GMDS: variants seen among roughly 807,000 people sequenced by gnomAD.
The protein encoded by GMDS is GDP-mannose 4,6-dehydratase, also known as GDP-mannose 4,6 dehydratase.
A neutral mutation model predicts 49.9 loss-of-function variants in GMDS; 20 were observed. That is an observed-to-expected ratio of 0.40 (90% CI 0.28 to 0.58). The LOEUF is 0.58. Among genes scored for constraint, GMDS ranks in the 20% least tolerant of loss-of-function variants. The pLI, the probability that GMDS is intolerant of heterozygous loss-of-function variation, is 0.42. For missense variants in GMDS, 362 were observed against 481.4 expected, an observed-to-expected ratio of 0.75 and a Z score of 2.32; for synonymous variants, 177 against 178.6, an observed-to-expected ratio of 0.99 and a Z score of 0.07.
chr6:1,881,103 C>G (rs1008329684), intron 7 of GMDS, among the ~76,000 whole-genome samples: 1 of 152,102 alleles, frequency 6.6e-6, no homozygotes, highest in Non-Finnish European at 1.5e-5. Flanking sequence ...ATTTTTCTAT[C>G]ATCAGTAAAA....
intron 6 of GMDS, among the ~76,000 whole-genome samples, chr6:1,935,372 T>C (rs1378497765): frequency 6.6e-6 from 1 of 152,222 alleles, no homozygotes; most frequent in Non-Finnish European, 1.5e-5. Flanking sequence ...TAATAGTACC[T>C]AAAAGCTTTG....
At position 1,803,351 on chromosome 6, in the gene GMDS, G is replaced by A. The variant is rs1432272500; in HGVS notation, c.772-60765C>T. Among the ~76,000 whole-genome samples the A allele has an allele frequency of 2.0e-5, 3 of 152,234 alleles. No individual in the cohort carries two copies. The East Asian group carries it at 5.8e-4, about 29-fold the overall frequency. On this transcript the variant is annotated intron_variant, in intron 7 of 10. Coordinates refer to ENST00000380815, the MANE Select transcript of GMDS (RefSeq NM_001500.4). Reference sequence around the variant, plus strand: ...AAACGTCTCTGGGCTGTAAACACCAGTCAATGTATTTCTTTTCTGCTTTAT... The same window carrying A: ...AAACGTCTCTGGGCTGTAAACACCAATCAATGTATTTCTTTTCTGCTTTAT...
intron 9 of GMDS, among the ~76,000 whole-genome samples, chr6:1,673,100 G>A (rs1172339758): frequency 6.6e-6 from 1 of 152,250 alleles, no homozygotes; most frequent in East Asian, 1.9e-4. Context: ...TCAGTGAAAA[G>A]AGATGAGGTT....
rs986827434 is a variant in GMDS at position 2,110,513 on chromosome 6, C to T, written c.345+5258G>A. Among the ~76,000 whole-genome samples the T allele has an allele frequency of 2.7e-4, 41 of 152,278 alleles. 1 individual carries two copies. Among genetic ancestry groups the T allele is most frequent in the African/African-American group, 9.9e-4 (41 of 41,556 alleles). ...TTCTAACTTCGTGCCAGGTCACTAA[C>T]GCACTGGCCCCTTGACTCACAGTCA... On this transcript the variant is annotated intron_variant, in intron 4 of 10. Coordinates refer to ENST00000380815, the MANE Select transcript of GMDS (RefSeq NM_001500.4).
At chr6:2,066,996 T>C (rs934201531) in intron 4 of GMDS, among the ~76,000 whole-genome samples, 2 of 151,702 alleles carry the variant, frequency 1.3e-5, no homozygotes, top group African/African-American at 4.9e-5. Context: ...TATTCCAAAA[T>C]TGACCACATA....
intron 4 of GMDS, among the ~76,000 whole-genome samples, chr6:2,087,451 A>G (rs1773076455): frequency 6.6e-6 from 1 of 152,244 alleles, no homozygotes; most frequent in Non-Finnish European, 1.5e-5. Flanking sequence ...AGTAACATCA[A>G]TAATCTTTGA....
intron 7 of GMDS, among the ~76,000 whole-genome samples, chr6:1,773,179 T>C (rs951099311): frequency 2.1e-5 from 3 of 143,622 alleles, no homozygotes; most frequent in African/African-American, 5.3e-5. Context: ...AGTTAGAAAA[T>C]GCACAGAGGG....
intron 9 of GMDS, among the ~76,000 whole-genome samples, chr6:1,688,061 C>T (rs796497771): frequency 7.2e-5 from 11 of 152,288 alleles, no homozygotes; most frequent in African/African-American, 2.6e-4. Context: ...CTTAAATCCA[C>T]AGCAGAGAGG....
rs149472754 is a variant in GMDS at position 1,783,981 on chromosome 6, T to C, written c.772-41395A>G. Reference sequence around the variant, plus strand: ...GGTTGTGACACAAGATGAACAAGCCTAAAAAAACCCCAAACCATGAACATG... The same window carrying C: ...GGTTGTGACACAAGATGAACAAGCCCAAAAAAACCCCAAACCATGAACATG... On this transcript the variant is annotated intron_variant, in intron 7 of 10. Coordinates refer to ENST00000380815, the MANE Select transcript of GMDS (RefSeq NM_001500.4). Among the ~76,000 whole-genome samples, 518 of 152,146 alleles carry C rather than the reference T, an allele frequency of 3.4e-3. 2 individuals are homozygous for C. The highest frequency in any genetic ancestry group is 0.012 in the African/African-American group (492 of 41,518).
At chr6:1,696,537 C>T (rs1765348403) in intron 9 of GMDS, among the ~76,000 whole-genome samples, 2 of 152,244 alleles carry the variant, frequency 1.3e-5, no homozygotes, top group African/African-American at 2.4e-5. Flanking sequence ...CATATATGCT[C>T]ACAGGGACAG....
At chr6:1,710,591 G>A (rs1234499710) in intron 9 of GMDS, among the ~76,000 whole-genome samples, 1 of 150,628 alleles carries the variant, frequency 6.6e-6, no homozygotes, top group Admixed American at 6.6e-5. Context: ...CACTTTTGAG[G>A]TTCCCCTTGG....
intron 1 of GMDS, among the ~76,000 whole-genome samples, chr6:2,183,916 T>A (rs541928962): frequency 9.8e-5 from 15 of 152,316 alleles, no homozygotes; most frequent in African/African-American, 3.1e-4. Context: ...GTACATTTTT[T>A]AGATATAATG....
chr6:2,076,216 G>C (rs1772328479), intron 4 of GMDS, among the ~76,000 whole-genome samples: 1 of 152,124 alleles, frequency 6.6e-6, no homozygotes, highest in Non-Finnish European at 1.5e-5. Flanking sequence ...TGTTCACTCT[G>C]ATGGTAGTTT....
At chr6:1,955,236 T>C (rs114475302) in intron 6 of GMDS, among the ~76,000 whole-genome samples, 4 of 152,220 alleles carry the variant, frequency 2.6e-5, no homozygotes, top group African/African-American at 9.6e-5. Flanking sequence ...ACAGTAAAAA[T>C]GTGACTTTTT....
chr6:1,627,991 G>A (rs1050073561), intron 9 of GMDS, among the ~76,000 whole-genome samples: 4 of 152,148 alleles, frequency 2.6e-5, no homozygotes, highest in Non-Finnish European at 4.4e-5. Context: ...CAATGTCTCC[G>A]TCCACACAGC....
chr6:1,900,042 G>A (rs1470634220), intron 7 of GMDS, among the ~76,000 whole-genome samples: 1 of 152,196 alleles, frequency 6.6e-6, no homozygotes, highest in East Asian at 1.9e-4. Flanking sequence ...CCACACATCT[G>A]CCTACACACT....
intron 1 of GMDS, among the ~76,000 whole-genome samples, chr6:2,240,277 C>A (rs1292339291): frequency 1.3e-5 from 2 of 152,216 alleles, no homozygotes; most frequent in Non-Finnish European, 2.9e-5. Flanking sequence ...ATTCAACTTC[C>A]TTTCCTAAAA....
rs1487057951 is a variant in GMDS at position 1,833,995 on chromosome 6, G to A, written c.772-91409C>T. Among the ~76,000 whole-genome samples the A allele has an allele frequency of 6.6e-6, 1 of 151,962 alleles. No homozygotes were observed. Among genetic ancestry groups the A allele is most frequent in the Admixed American group, 6.6e-5 (1 of 15,254 alleles). Reference sequence around the variant, plus strand: ...AAGACATGTATATACAAACATAACTGAATCACAAAGTCAGAGCTTAGGTTC... The same window carrying A: ...AAGACATGTATATACAAACATAACTAAATCACAAAGTCAGAGCTTAGGTTC... On this transcript the variant is annotated intron_variant, in intron 7 of 10. Coordinates refer to ENST00000380815, the MANE Select transcript of GMDS (RefSeq NM_001500.4). The surrounding 1 kb of genome is among the most constrained non-coding windows in gnomAD (Gnocchi z 4.4).
chr6:1,744,781 C>T (rs1225019131), intron 7 of GMDS, among the ~76,000 whole-genome samples: 1 of 152,240 alleles, frequency 6.6e-6, no homozygotes, highest in Non-Finnish European at 1.5e-5. Flanking sequence ...ACCCTGTCTC[C>T]TCATCTGTCT....
Sources: allele counts gnomAD v4.1 joint callset (sites outside exome capture counted in the v4.1 genomes callset), GRCh38; gene constraint gnomAD v4.1.1; non-coding constraint Gnocchi (gnomAD v3.1); transcripts MANE v1.5; gene names NCBI Gene and HGNC (gene_info 2026-07-23, HGNC 2026-07-21).